Variants in NRG3 observed in about 807,000 individuals in gnomAD.
NRG3 encodes the protein neuregulin 3.
A neutral mutation model predicts 66.9 loss-of-function variants in NRG3; 31 were observed. The ratio of observed to expected loss-of-function variants is 0.46; its 90% CI spans 0.35 to 0.63. The LOEUF is 0.63. NRG3 is among the 20% of genes least tolerant of loss of function. The pLI is 0.00. For missense variants in NRG3, 910 were observed against 878.9 expected (o/e 1.04, Z -0.45); for synonymous variants, 393 against 359.4 (o/e 1.09, Z -1.06).
chr10:82,758,862 C>G (rs1276572773), intron 3 of NRG3, among the ~76,000 whole-genome samples: 1 of 151,436 alleles, frequency 6.6e-6, no homozygotes, highest in Non-Finnish European at 1.5e-5. Context: ...TGGCAAAAGG[C>G]TGGCTCATTA....
chr10:81,943,490 A>G (rs1589544752), intron 1 of NRG3, among the ~76,000 whole-genome samples: 1 of 152,322 alleles, frequency 6.6e-6, no homozygotes, highest in East Asian at 1.9e-4. Context: ...CCAATTTCCG[A>G]CTAAAATGGC....
intron 2 of NRG3, among the ~76,000 whole-genome samples, chr10:82,485,389 T>A (rs1225442965): frequency 6.6e-6 from 1 of 151,366 alleles, no homozygotes; most frequent in Non-Finnish European, 1.5e-5. Flanking sequence ...AGGATGTCAA[T>A]AGATTTTAGC....
intron 2 of NRG3, among the ~76,000 whole-genome samples, chr10:82,463,621 C>T (rs1221633180): frequency 1.3e-5 from 2 of 152,152 alleles, no homozygotes; most frequent in African/African-American, 4.8e-5. Flanking sequence ...CTGATGGCCT[C>T]CTCTGTGCTT....
intron 1 of NRG3, among the ~76,000 whole-genome samples, chr10:82,036,630 C>T (rs1298383460): frequency 1.3e-5 from 2 of 152,074 alleles, no homozygotes; most frequent in African/African-American, 4.8e-5. Context: ...ATGAGACCTA[C>T]TCTTAAGAAA....
chr10:82,330,525 A>T (rs2082092999), intron 1 of NRG3, among the ~76,000 whole-genome samples: 1 of 152,200 alleles, frequency 6.6e-6, no homozygotes, highest in South Asian at 2.1e-4. Flanking sequence ...AATTTATGCA[A>T]TTTTAATATT....
chr10:82,708,498 G>T (rs984752190), intron 2 of NRG3, among the ~76,000 whole-genome samples: 1 of 152,062 alleles, frequency 6.6e-6, no homozygotes, highest in African/African-American at 2.4e-5. Context: ...GGTGTCTGTG[G>T]CTCCCTTCTT....
At chr10:82,138,111 C>A (rs1487722564) in intron 1 of NRG3, among the ~76,000 whole-genome samples, 2 of 151,982 alleles carry the variant, frequency 1.3e-5, no homozygotes, top group African/African-American at 2.4e-5. Context: ...AGAAACAAAT[C>A]CTGTTTATCT....
At chr10:82,211,455 T>C (rs2075388297) in intron 1 of NRG3, among the ~76,000 whole-genome samples, 2 of 152,250 alleles carry the variant, frequency 1.3e-5, no homozygotes. Context: ...TGTTTTGCTT[T>C]CAAGAGAAAA....
intron 2 of NRG3, among the ~76,000 whole-genome samples, chr10:82,584,346 A>G (rs564197304): frequency 4.5e-4 from 68 of 152,210 alleles, no homozygotes; most frequent in Non-Finnish European, 8.4e-4. Context: ...TCAGCCTCCC[A>G]AAGTGCTGGG....
intron 2 of NRG3, among the ~76,000 whole-genome samples, chr10:82,486,548 G>A (rs1025291053): frequency 3.3e-5 from 5 of 151,982 alleles, no homozygotes; most frequent in African/African-American, 1.2e-4. Context: ...CCAAGTAGCT[G>A]GGATTACAGG....
At chr10:82,660,591 T>G (rs1668255129) in intron 2 of NRG3, among the ~76,000 whole-genome samples, 2 of 152,176 alleles carry the variant, frequency 1.3e-5, no homozygotes, top group East Asian at 3.9e-4. Flanking sequence ...CAGAGTAATT[T>G]TGACTACCAA....
At position 82,368,692 on chromosome 10, in the gene NRG3, T is replaced by C. The variant is rs1335675800; in HGVS notation, c.953+9824T>C. Among the ~76,000 whole-genome samples, 2 of 138,260 alleles carry C rather than the reference T, an allele frequency of 1.4e-5. 1 individual carries two copies. The highest frequency in any genetic ancestry group is 1.4e-4 in the Admixed American group (2 of 14,664). The allele number at this position is 138,260 out of a possible 152,430, so 90.7% of individuals were successfully genotyped here. On this transcript the variant is annotated intron_variant, in intron 2 of 8. Transcript: ENST00000372141. ...CATGCAGACAGAGCAGAGAGAGAAT[T>C]ATGCAATATTTTGTATCCCAGATAA...
intron 2 of NRG3, among the ~76,000 whole-genome samples, chr10:82,521,297 G>C (rs1381874665): frequency 1.3e-5 from 2 of 152,232 alleles, no homozygotes; most frequent in South Asian, 2.1e-4. Flanking sequence ...GATGTTGATG[G>C]CTGGTGATTC....
At position 81,918,818 on chromosome 10, in the gene NRG3, C is replaced by CAAAAAACAAAAAAA. The variant is rs11268762; in HGVS notation, c.823+42667_823+42668insAAAAAAAACAAAAA. 5.1e-3 allele frequency among the ~76,000 whole-genome samples: 750 copies of CAAAAAACAAAAAAA among 145,782 alleles called. 10 individuals carry two copies. Among genetic ancestry groups the CAAAAAACAAAAAAA allele is most frequent in the African/African-American group, 0.018 (708 of 39,558 alleles). On this transcript the variant is annotated intron_variant, in intron 1 of 8. Transcript: ENST00000372141. Reference sequence around the variant, plus strand: ...TTTGTTCATACTACTAGGATTTTTGCAAAAAACAAAAACAAACACAAAACT... The same window carrying CAAAAAACAAAAAAA: ...TTTGTTCATACTACTAGGATTTTTGCAAAAAACAAAAAAAAAAAAACAAAAACAAACACAAAACT...
chr10:82,765,372 T>G (rs2059475839), intron 3 of NRG3, among the ~76,000 whole-genome samples: 1 of 152,124 alleles, frequency 6.6e-6, no homozygotes, highest in Admixed American at 6.6e-5. Flanking sequence ...AATATAATCT[T>G]ATTGGATGGA....
chr10:82,559,149 C>G (rs1043189288), intron 2 of NRG3, among the ~76,000 whole-genome samples: 2 of 151,078 alleles, frequency 1.3e-5, no homozygotes, highest in African/African-American at 4.9e-5. Flanking sequence ...ATTTTTTTTT[C>G]TCTTTCTTCC....
At chr10:82,671,974 A>C (rs925099874) in intron 2 of NRG3, among the ~76,000 whole-genome samples, 1 of 152,104 alleles carries the variant, frequency 6.6e-6, no homozygotes, top group East Asian at 1.9e-4. Flanking sequence ...CTATATTTAA[A>C]TGGTTATGTT....
intron 2 of NRG3, among the ~76,000 whole-genome samples, chr10:82,544,641 G>C (rs935217942): frequency 6.6e-6 from 1 of 152,076 alleles, no homozygotes. Flanking sequence ...ACATGGAGGA[G>C]GGCTAGTTTG....
At chr10:82,102,084 A>ATG (rs532755214) in intron 1 of NRG3, among the ~76,000 whole-genome samples, 1 of 118,886 alleles carries the variant, frequency 8.4e-6, no homozygotes, top group East Asian at 3.1e-4. Context: ...ACATATATAT[A>ATG]TGTGTATTCA....
Sources: allele counts gnomAD v4.1 joint callset (sites outside exome capture counted in the v4.1 genomes callset), GRCh38; gene constraint gnomAD v4.1.1; transcripts MANE v1.5; gene names NCBI Gene and HGNC (gene_info 2026-07-23, HGNC 2026-07-21).